Variants in SLC25A24 observed in about 807,000 individuals in gnomAD.
SLC25A24 encodes the protein solute carrier family 25 member 24, also known as mitochondrial adenyl nucleotide antiporter SLC25A24.
A neutral mutation model predicts 60.7 loss-of-function variants in SLC25A24; 49 were observed. That is an observed-to-expected ratio of 0.81 (90% CI 0.64 to 1.02). SLC25A24 has a LOEUF of 1.02. SLC25A24 is among the 50% of genes least tolerant of loss of function. SLC25A24 has a pLI of 0.00. For synonymous variants in SLC25A24, 202 were observed against 200.6 expected, an observed-to-expected ratio of 1.01 and a Z score of -0.06; for missense variants, 564 against 586.3, an observed-to-expected ratio of 0.96 and a Z score of 0.39.
intron 1 of SLC25A24, among the ~76,000 whole-genome samples, chr1:108,193,928 T>A (rs1648420379): frequency 7.2e-6 from 1 of 139,064 alleles, no homozygotes; most frequent in Non-Finnish European, 1.6e-5. Context: ...GGCCCTGGCT[T>A]CCCCAGACCA....
At chr1:108,167,304 T>C (rs1162901564) in intron 3 of SLC25A24, among the ~76,000 whole-genome samples, 1 of 151,922 alleles carries the variant, frequency 6.6e-6, no homozygotes, top group African/African-American at 2.4e-5. Flanking sequence ...CTCCTTGAGC[T>C]GTGGTGGGCT....
At chr1:108,166,881 T>G (rs937025707) in intron 3 of SLC25A24, among the ~76,000 whole-genome samples, 1 of 152,144 alleles carries the variant, frequency 6.6e-6, no homozygotes, top group African/African-American at 2.4e-5. Context: ...TTTTTAGAGT[T>G]TCCAGTTTTT....
chr1:108,160,703 C>G (rs549202208), intron 4 of SLC25A24, among the ~76,000 whole-genome samples: 21 of 152,348 alleles, frequency 1.4e-4, no homozygotes, highest in Admixed American at 8.5e-4. Context: ...ATCCCAGCAC[C>G]TCGGGAGGCC....
intron 1 of SLC25A24, among the ~76,000 whole-genome samples, chr1:108,186,769 C>T (rs1648138082): frequency 6.6e-6 from 1 of 152,020 alleles, no homozygotes; most frequent in Admixed American, 6.6e-5. Context: ...CATGGTCATG[C>T]TCTTCTGGGT....
chr1:108,185,369 T>A (rs1305766023), intron 2 of SLC25A24, among the ~76,000 whole-genome samples: 2 of 152,174 alleles, frequency 1.3e-5, no homozygotes, highest in African/African-American at 2.4e-5. Flanking sequence ...AGAGATATCT[T>A]CTCTAAATTA....
chr1:108,184,238 T>C (rs1183967464), intron 2 of SLC25A24, among the ~76,000 whole-genome samples: 1 of 152,232 alleles, frequency 6.6e-6, no homozygotes, highest in Non-Finnish European at 1.5e-5. Context: ...GACCTCTGAT[T>C]ATCTGGCAAT....
chr1:108,161,130 G>A (rs1680067359), intron 4 of SLC25A24, 52 bp downstream of exon 4: 8 of 1,003,678 alleles, frequency 8.0e-6, no homozygotes, highest in South Asian at 2.7e-5. Context: ...GGTGATAACT[G>A]TACCTATGGT....
At chr1:108,183,911 G>A (rs892115088) in intron 2 of SLC25A24, among the ~76,000 whole-genome samples, 7 of 152,166 alleles carry the variant, frequency 4.6e-5, no homozygotes, top group Non-Finnish European at 8.8e-5. Flanking sequence ...GAATGCCTGG[G>A]AAAGTACTGT....
rs184511010 is a variant in SLC25A24, at chr1:108,163,936, G to C, written c.399-2643C>G. On this transcript the variant is annotated intron_variant, in intron 3 of 9. Coordinates refer to ENST00000565488, the MANE Select transcript of SLC25A24 (RefSeq NM_013386.5). The stretch of plus-strand genomic sequence containing the variant: ...TGATATTGGCTGTGGGTTTGTCATA[G>C]ATAGCTGTTATTATTTTGAGATACA... Among the ~76,000 whole-genome samples the C allele has an allele frequency of 9.5e-4, 145 of 152,282 alleles. 1 individual carries two copies. In the East Asian group the frequency reaches 0.027, roughly 28 times the overall value.
intron 4 of SLC25A24, among the ~76,000 whole-genome samples, chr1:108,158,703 G>GAAAAAAAAAAAA (rs34586204): frequency 7.2e-6 from 1 of 138,280 alleles, no homozygotes; most frequent in Non-Finnish European, 1.6e-5. Flanking sequence ...AGCCCATAAA[G>GAAAAAAAAAAAA]AAAAAAAAAA....
chr1:108,154,575 T>G (rs1309021799), intron 6 of SLC25A24, among the ~76,000 whole-genome samples: 2 of 152,126 alleles, frequency 1.3e-5, no homozygotes, highest in African/African-American at 2.4e-5. Flanking sequence ...GAGGTGTCAC[T>G]CCAAACTCAG....
At chr1:108,158,928 C>T (rs993241889) in intron 4 of SLC25A24, among the ~76,000 whole-genome samples, 1 of 151,828 alleles carries the variant, frequency 6.6e-6, no homozygotes, top group African/African-American at 2.4e-5. Flanking sequence ...GCGTGAACCC[C>T]GGAGGCCGAG....
chr1:108,150,526 C>T (rs1679728577), intron 6 of SLC25A24, among the ~76,000 whole-genome samples: 2 of 152,158 alleles, frequency 1.3e-5, no homozygotes, highest in South Asian at 4.1e-4. Flanking sequence ...CCATTCTCCT[C>T]CAGCTTCCAA....
intron 3 of SLC25A24, among the ~76,000 whole-genome samples, chr1:108,169,655 A>G (rs1245599075): frequency 6.6e-6 from 1 of 152,166 alleles, no homozygotes; most frequent in African/African-American, 2.4e-5. Flanking sequence ...AAATGTTTGT[A>G]CATCTGTTCT....
chr1:108,185,179 A>G (rs1353034915), intron 2 of SLC25A24, among the ~76,000 whole-genome samples: 1 of 152,174 alleles, frequency 6.6e-6, no homozygotes, highest in African/African-American at 2.4e-5. Context: ...CAGCCTCCAG[A>G]ACTATAAGAA....
chr1:108,182,707 C>T (rs948163226), intron 2 of SLC25A24, among the ~76,000 whole-genome samples: 1 of 152,050 alleles, frequency 6.6e-6, no homozygotes, highest in African/African-American at 2.4e-5. Context: ...GTGGCAGGTG[C>T]CCATAATCCC....
In SLC25A24 at chr1:108,186,561, A is replaced by G. The variant is rs79762070; in HGVS notation, c.184-607T>C. Among the ~76,000 whole-genome samples, 1,170 of 152,312 alleles carry G rather than the reference A, an allele frequency of 7.7e-3. 14 individuals carry two copies. Among genetic ancestry groups the G allele is most frequent in the African/African-American group, 0.027 (1,124 of 41,560 alleles). On this transcript the variant is annotated intron_variant, in intron 1 of 9. Coordinates refer to ENST00000565488, the MANE Select transcript of SLC25A24 (RefSeq NM_013386.5). ...CAGAGCAAGACCCTGTCTCTAAAAA[A>G]GAAAGAAAGAAGAAAGCCTAAACTA...
At chr1:108,166,077 T>A (rs1394284076) in intron 3 of SLC25A24, among the ~76,000 whole-genome samples, 1 of 152,110 alleles carries the variant, frequency 6.6e-6, no homozygotes. Context: ...GGATATGAAA[T>A]TCTGGGTTGA....
At chr1:108,162,743 T>C (rs889682207) in intron 3 of SLC25A24, among the ~76,000 whole-genome samples, 3 of 152,102 alleles carry the variant, frequency 2.0e-5, no homozygotes, top group African/African-American at 4.8e-5. Context: ...ATTTTGGAGG[T>C]TGCCTGTTCA....
Sources: allele counts gnomAD v4.1 joint callset (sites outside exome capture counted in the v4.1 genomes callset), GRCh38; gene constraint gnomAD v4.1.1; transcripts MANE v1.5; gene names NCBI Gene and HGNC (gene_info 2026-07-23, HGNC 2026-07-21).